The following EXD3 variants were observed in gnomAD, a reference collection of about 807,000 sequenced individuals.
The protein encoded by EXD3 is exonuclease 3'-5' domain containing 3.
A neutral mutation model predicts 98.0 loss-of-function variants in EXD3; 92 were observed. The observed-to-expected ratio is 0.94, with a 90% CI of 0.79 to 1.12. The LOEUF is 1.12. Ranked by LOEUF, EXD3 falls within the 50% of genes most tolerant of loss-of-function variation. The pLI is 0.00. For missense variants in EXD3, 1,222 were observed against 1,191.6 expected, an observed-to-expected ratio of 1.03 and a Z score of -0.38; for synonymous variants, 569 against 526.0, an observed-to-expected ratio of 1.08 and a Z score of -1.12.
Position 137,349,453 on chromosome 9 carries a change from C to T in EXD3, c.1573G>A (p.Val525Met). The T allele has an allele frequency of 1.2e-6, 2 of 1,602,956 alleles. No homozygotes were observed. The highest frequency in any genetic ancestry group is 1.7e-6 in the Non-Finnish European group (2 of 1,177,956). ...LRGLSLLVQQ[V>M]LGTALDKTQQ... ...GTCTTGTCCAGGGCTGTGCCCAGCA[C>T]CTGCTGCACCAGGAGGCTCAGGCCC... Residue 525 changes from valine to methionine, a missense_variant, in exon 15 of 22, where the codon GTG (valine) becomes ATG (methionine). Transcript: ENST00000340951. This position sits in a 1 kb window ranked among gnomAD's most constrained non-coding sequence, Gnocchi z 7.4.
intron 7 of EXD3, 28 bp from the exon 8 acceptor site, chr9:137,356,396 G>A: frequency 2.9e-6 from 4 of 1,368,882 alleles, no homozygotes; most frequent in African/African-American, 2.9e-5. Context: ...CACAGCCTCT[G>A]TTGCTGTTTT....
At position 137,349,146 on chromosome 9, in the gene EXD3, G is replaced by T. The variant is rs368133491; in HGVS notation, c.1794C>A (p.Gly598=). Residue 598 remains glycine (G), a synonymous_variant, in exon 16 of 22, where the codon GGC becomes GGA. Transcript: ENST00000340951. The surrounding 1 kb of genome is among the most constrained non-coding windows in gnomAD (Gnocchi z 7.4). The stretch of plus-strand genomic sequence containing the variant: ...CGGCCGGTGCTGACGCTTTCTGCAG[G>T]CCGGGTGGCTTCCGTGCCCCTGGTC... ...RERPGARKPP[G]LQKASAPAAP... is the part of the protein sequence containing the mutation. The T allele has an allele frequency of 7.5e-6, 12 of 1,598,696 alleles. No homozygotes were observed. In the African/African-American group the frequency reaches 1.6e-4, roughly 21 times the overall value.
chr9:137,418,603 C>G (rs1372211240), intron 1 of EXD3, among the ~76,000 whole-genome samples: 3 of 152,132 alleles, frequency 2.0e-5, no homozygotes, highest in Non-Finnish European at 2.9e-5. Flanking sequence ...AAATTAGGGT[C>G]ACGAAGTTAA....
intron 3 of EXD3, among the ~76,000 whole-genome samples, chr9:137,374,307 C>A (rs938358181): frequency 6.6e-6 from 1 of 152,222 alleles, no homozygotes; most frequent in Non-Finnish European, 1.5e-5. Flanking sequence ...CAGCCGACAC[C>A]CGACCTGAAG....
intron 2 of EXD3, 48 bp from the exon 3 acceptor site, chr9:137,383,425 G>A: frequency 7.1e-7 from 1 of 1,399,646 alleles, no homozygotes; most frequent in East Asian, 2.6e-5. Flanking sequence ...AGGTGCAGGG[G>A]CTATCGCACA....
In EXD3 at chr9:137,349,574, C is replaced by A. The variant is rs374990215; in HGVS notation, c.1495-43G>T. 3 of 1,496,494 alleles carry A rather than the reference C, an allele frequency of 2.0e-6. No homozygotes were observed. The highest frequency in any genetic ancestry group is 2.7e-6 in the Non-Finnish European group (3 of 1,124,940). The allele number at this position is 1,496,494 out of a possible 1,614,324, so 92.7% of individuals were successfully genotyped here. ...TGCAGGGTAACGCGTCTGGCCCTGG[C>A]GGCAGCACAGTCACCGTGCCCACTC... On this transcript the variant is annotated intron_variant, in intron 14 of 21. Coordinates refer to ENST00000340951, the MANE Select transcript of EXD3 (RefSeq NM_017820.5). The surrounding 1 kb of genome is among the most constrained non-coding windows in gnomAD (Gnocchi z 7.4).
intron 2 of EXD3, among the ~76,000 whole-genome samples, chr9:137,384,273 C>A (rs533159136): frequency 1.2e-4 from 18 of 152,326 alleles, no homozygotes; most frequent in African/African-American, 4.3e-4. Flanking sequence ...CTGCCACACA[C>A]GCCAGAGAAG....
At chr9:137,338,181 G>T (rs1833459415) in intron 17 of EXD3, among the ~76,000 whole-genome samples, 1 of 152,236 alleles carries the variant, frequency 6.6e-6, no homozygotes, top group South Asian at 2.1e-4. Flanking sequence ...TCCAAAATTG[G>T]AAATATACAG....
intron 1 of EXD3, among the ~76,000 whole-genome samples, chr9:137,397,029 G>A (rs1160814131): frequency 6.6e-6 from 1 of 152,228 alleles, no homozygotes; most frequent in African/African-American, 2.4e-5. Flanking sequence ...CAGTGAGTGT[G>A]TGGGCAGGAG....
intron 1 of EXD3, among the ~76,000 whole-genome samples, chr9:137,409,543 T>A (rs1312513921): frequency 2.0e-5 from 3 of 151,952 alleles, no homozygotes; most frequent in African/African-American, 4.8e-5. Flanking sequence ...ATAGCGAGAC[T>A]CTGTTTCTAT....
At chr9:137,422,905 T>A (rs1838608802) in intron 1 of EXD3, among the ~76,000 whole-genome samples, 1 of 151,952 alleles carries the variant, frequency 6.6e-6, no homozygotes, top group South Asian at 2.1e-4. Flanking sequence ...GTCCGGCTGC[T>A]CGGCGGCCTC....
chr9:137,420,843 C>G (rs1240130290), intron 1 of EXD3, among the ~76,000 whole-genome samples: 6 of 150,560 alleles, frequency 4.0e-5, no homozygotes, highest in Non-Finnish European at 7.4e-5. Flanking sequence ...GAGACAGGGT[C>G]TCGCTCTGTC....
chr9:137,385,625 T>C lies in EXD3; in HGVS notation c.56-2248A>G, dbSNP rs1478499681. Among the ~76,000 whole-genome samples the C allele has an allele frequency of 6.6e-6, 1 of 152,154 alleles. No homozygotes were observed. Among genetic ancestry groups the C allele is most frequent in the Non-Finnish European group, 1.5e-5 (1 of 68,014 alleles). ...ATCTCGGCTCACTGCAACCTCCACC[T>C]CTCAGGTTCGTGATTCTCGTGCCTC... On this transcript the variant is annotated intron_variant, in intron 2 of 21. Transcript: ENST00000340951. This position sits in a 1 kb window ranked among gnomAD's most constrained non-coding sequence, Gnocchi z 4.4.
intron 1 of EXD3, among the ~76,000 whole-genome samples, chr9:137,412,099 T>C (rs1292178284): frequency 2.0e-5 from 3 of 152,100 alleles, no homozygotes; most frequent in Non-Finnish European, 4.4e-5. Flanking sequence ...GCGCCAACCT[T>C]GAGGGCCCTG....
At chr9:137,327,625 A>C (rs1406915850) in intron 17 of EXD3, among the ~76,000 whole-genome samples, 1 of 151,996 alleles carries the variant, frequency 6.6e-6, no homozygotes, top group Non-Finnish European at 1.5e-5. Flanking sequence ...TCGTGGTAAT[A>C]ACAAATATAC....
chr9:137,382,351 A>G (rs1019364510), intron 3 of EXD3, among the ~76,000 whole-genome samples: 2 of 151,252 alleles, frequency 1.3e-5, no homozygotes, highest in African/African-American at 2.4e-5. Flanking sequence ...ATAGGGAGGA[A>G]AGGACAGTGG....
At chr9:137,367,305 C>A (rs1835310408) in intron 6 of EXD3, among the ~76,000 whole-genome samples, 1 of 152,134 alleles carries the variant, frequency 6.6e-6, no homozygotes, top group South Asian at 2.1e-4. Flanking sequence ...AGTCTGCACC[C>A]ATCGCCCGGA....
Position 137,349,963 on chromosome 9 carries a change from G to A in EXD3, c.1495-432C>T, listed in dbSNP as rs924929368. Among the ~76,000 whole-genome samples the A allele has an allele frequency of 6.6e-5, 10 of 151,916 alleles. No individual in the cohort carries two copies. Among genetic ancestry groups the A allele is most frequent in the Middle Eastern group, 3.4e-3 (1 of 294 alleles). On this transcript the variant is annotated intron_variant, in intron 14 of 21. Coordinates refer to ENST00000340951, the MANE Select transcript of EXD3 (RefSeq NM_017820.5). The surrounding 1 kb of genome is among the most constrained non-coding windows in gnomAD (Gnocchi z 7.4). ...AGTGCTCATGCTAGGGGCGCTCCAC[G>A]TGTGTGTCTGGGGTGGCGTGTGTGC...
Position 137,328,608 on chromosome 9 carries a change from GGGGCTA to G in EXD3, c.1999-4471_1999-4466del, listed in dbSNP as rs1564477350. On this transcript the variant is annotated intron_variant, in intron 17 of 21. Transcript: ENST00000340951. The stretch of plus-strand genomic sequence containing the variant: ...TACACGGGACTACACGGGACTACAC[GGGGCTA>G]CACGGGACTACACGGGACTACACGG... Among the ~76,000 whole-genome samples, 23 of 89,396 alleles carry G rather than the reference GGGGCTA, an allele frequency of 2.6e-4. 2 individuals are homozygous for G. Among genetic ancestry groups the G allele is most frequent in the African/African-American group, 1.5e-3 (21 of 14,254 alleles). 58.6% of individuals were successfully genotyped at this position (89,396 alleles called of 152,430 possible).
Sources: gnomAD v4.1 joint callset for allele counts (sites outside exome capture counted in the v4.1 genomes callset) on GRCh38, gnomAD v4.1.1 for gene constraint, Gnocchi (gnomAD v3.1) non-coding constraint, MANE v1.5 for transcripts, NCBI Gene and HGNC (gene_info 2026-07-23, HGNC 2026-07-21) for gene names.